The following TAS2R1 variants were observed in gnomAD, a reference collection of about 807,000 sequenced individuals.
The protein encoded by TAS2R1 is taste 2 receptor member 1.
For missense variants in TAS2R1, 370 were observed against 353.4 expected (o/e 1.05, Z -0.38); for synonymous variants, 141 against 134.2 (o/e 1.05, Z -0.35).
intron 1 of TAS2R1, among the ~76,000 whole-genome samples, chr5:9,693,524 C>CAAAAAA (rs35262775): frequency 1.5e-3 from 50 of 32,494 alleles, no homozygotes; most frequent in East Asian, 3.2e-3. Flanking sequence ...AACTCCATCT[C>CAAAAAA]AAAAAAAAAA....
downstream of TAS2R1, chr5:9,629,534 G>GA: frequency 6.2e-7 from 1 of 1,613,704 alleles, no homozygotes; most frequent in Non-Finnish European, 8.5e-7. Context: ...TCTTCTTTTT[G>GA]AATTGTGGCA....
At chr5:9,666,856 C>T (rs1013366074) in intron 1 of TAS2R1, among the ~76,000 whole-genome samples, 2 of 151,976 alleles carry the variant, frequency 1.3e-5, no homozygotes, top group Non-Finnish European at 2.9e-5. Flanking sequence ...GTGTATCCCA[C>T]CTAAAATAAA....
chr5:9,783,945 A>G, the TAS2R1 span, among the ~76,000 whole-genome samples: 2 of 152,182 alleles, frequency 1.3e-5, no homozygotes, highest in African/African-American at 4.8e-5. Flanking sequence ...CTGGATTCAC[A>G]TCCCAGCTGC....
intron 1 of TAS2R1, among the ~76,000 whole-genome samples, chr5:9,662,483 G>A (rs564711026): frequency 6.6e-6 from 1 of 152,292 alleles, no homozygotes; most frequent in South Asian, 2.1e-4. Flanking sequence ...CCATCCAGGA[G>A]TGACAGTTGT....
chr5:9,632,454 C>T (rs76358800), upstream of TAS2R1, among the ~76,000 whole-genome samples: 168 of 152,222 alleles, frequency 1.1e-3, 5 homozygotes, highest in East Asian at 0.03. Flanking sequence ...CAATTTTGTG[C>T]ATTGATGAAC....
chr5:9,862,127 T>C, the TAS2R1 span, among the ~76,000 whole-genome samples: 3 of 152,142 alleles, frequency 2.0e-5, no homozygotes, highest in Non-Finnish European at 4.4e-5. Context: ...GAGGAGGGAC[T>C]GGCAAATCCA....
At chr5:9,886,715 A>C in the TAS2R1 span, among the ~76,000 whole-genome samples, 1 of 152,136 alleles carries the variant, frequency 6.6e-6, no homozygotes, top group South Asian at 2.1e-4. Context: ...ATACATTTCA[A>C]TGCGTAATCA....
In TAS2R1 at chr5:9,650,002, C is replaced by T. The variant is rs560764586; in HGVS notation, c.-81+9419G>A. ...AGCCAACTTAATTATAAGCAGTTTA[C>T]AGCACAAAGGGAGATTGTTATATAG... On this transcript the variant is annotated intron_variant, in intron 2 of 2. Transcript: ENST00000506620. 4.6e-5 allele frequency among the ~76,000 whole-genome samples: 7 copies of T among 152,212 alleles called. No homozygotes were observed. In the South Asian group the frequency reaches 1.5e-3, roughly 32 times the overall value.
the TAS2R1 span, among the ~76,000 whole-genome samples, chr5:9,796,721 GAAAAAAAAA>G: frequency 1.0e-5 from 1 of 99,764 alleles, no homozygotes; most frequent in Non-Finnish European, 2.3e-5. Flanking sequence ...CTATTTTCTG[GAAAAAAAAA>G]AAAAAAAAAG....
At chr5:9,817,258 T>C in the TAS2R1 span, among the ~76,000 whole-genome samples, 1 of 152,242 alleles carries the variant, frequency 6.6e-6, no homozygotes, top group African/African-American at 2.4e-5. Flanking sequence ...ACAGCCGTTG[T>C]GTCATAGAGA....
chr5:9,804,625 C>G, the TAS2R1 span, among the ~76,000 whole-genome samples: 5 of 152,080 alleles, frequency 3.3e-5, no homozygotes, highest in Non-Finnish European at 7.4e-5. Context: ...GGAAATTAAA[C>G]AACCTGTTCC....
the TAS2R1 span, among the ~76,000 whole-genome samples, chr5:9,853,689 A>C: frequency 6.6e-6 from 1 of 152,104 alleles, no homozygotes; most frequent in Non-Finnish European, 1.5e-5. Context: ...TAGGTCTTCT[A>C]ATTGGGGATG....
the TAS2R1 span, among the ~76,000 whole-genome samples, chr5:9,878,538 G>A: frequency 2.0e-5 from 3 of 152,228 alleles, no homozygotes; most frequent in Non-Finnish European, 2.9e-5. Flanking sequence ...TGATTACTTA[G>A]ATGATATGAT....
the TAS2R1 span, among the ~76,000 whole-genome samples, chr5:9,876,421 C>T: frequency 6.6e-6 from 1 of 152,044 alleles, no homozygotes; most frequent in Admixed American, 6.6e-5. Flanking sequence ...CTCCTTTCCC[C>T]CTAGTTATGA....
the TAS2R1 span, among the ~76,000 whole-genome samples, chr5:9,839,972 G>A: frequency 2.6e-5 from 4 of 152,202 alleles, no homozygotes; most frequent in Admixed American, 6.5e-5. Flanking sequence ...CTAGACTTTC[G>A]TCCTCCCAGA....
the TAS2R1 span, among the ~76,000 whole-genome samples, chr5:9,805,087 A>T: frequency 6.6e-6 from 1 of 152,072 alleles, no homozygotes; most frequent in African/African-American, 2.4e-5. Context: ...ACAGAAATCC[A>T]AAAGATTATA....
the TAS2R1 span, among the ~76,000 whole-genome samples, chr5:9,727,543 A>C: frequency 6.6e-6 from 1 of 152,210 alleles, no homozygotes; most frequent in Non-Finnish European, 1.5e-5. Context: ...CCTACCACCC[A>C]GGAAAGAAAG....
At chr5:9,726,691 C>T in the TAS2R1 span, among the ~76,000 whole-genome samples, 2 of 152,278 alleles carry the variant, frequency 1.3e-5, no homozygotes, top group African/African-American at 2.4e-5. Flanking sequence ...ATAGTTACCG[C>T]GAGGGTCCGC....
chr5:9,802,240 A>G, the TAS2R1 span, among the ~76,000 whole-genome samples: 1 of 152,196 alleles, frequency 6.6e-6, no homozygotes, highest in Non-Finnish European at 1.5e-5. Flanking sequence ...CTGAAGACAG[A>G]TCACATCACA....
Sources: gnomAD v4.1 joint callset for allele counts (sites outside exome capture counted in the v4.1 genomes callset) on GRCh38, gnomAD v4.1.1 for gene constraint, MANE v1.5 for transcripts, NCBI Gene and HGNC (gene_info 2026-07-23, HGNC 2026-07-21) for gene names.